LHFPL6: variants seen among roughly 807,000 people sequenced by gnomAD.
LHFPL6 encodes the protein LHFPL tetraspan subfamily member 6, also known as LHFPL tetraspan subfamily member 6 protein.
In LHFPL6, 9 loss-of-function variants were observed where a neutral mutation model predicts 20.6. The observed-to-expected ratio is 0.44, with a 90% CI of 0.26 to 0.76. The LOEUF (loss-of-function observed/expected upper bound fraction) is 0.76. LHFPL6 is among the 30% of genes least tolerant of loss of function. LHFPL6 has a pLI of 0.20. For missense variants in LHFPL6, 218 were observed against 253.5 expected (o/e 0.86, Z 0.95); for synonymous variants, 105 against 98.7 (o/e 1.06, Z -0.38).
chr13:39,562,808 G>C (rs960351009), intron 2 of LHFPL6, among the ~76,000 whole-genome samples: 1 of 151,568 alleles, frequency 6.6e-6, no homozygotes, highest in African/African-American at 2.4e-5. Context: ...AGTAAGGTAA[G>C]ACACAGAAAA....
At chr13:39,347,557 C>T (rs1470744819) in intron 3 of LHFPL6, among the ~76,000 whole-genome samples, 1 of 152,154 alleles carries the variant, frequency 6.6e-6, no homozygotes, top group Non-Finnish European at 1.5e-5. Context: ...GTAACAGATT[C>T]TGAAAGATCA....
chr13:39,352,990 ATT>A (rs1192075960), intron 3 of LHFPL6, among the ~76,000 whole-genome samples: 1 of 84,272 alleles, frequency 1.2e-5, no homozygotes, highest in Non-Finnish European at 2.3e-5. Context: ...TATATATATA[ATT>A]TTTTTTTTTT....
rs555324411 is a variant in LHFPL6, at chr13:39,384,616, A to T, written c.386-6090T>A. On this transcript the variant is annotated intron_variant, in intron 2 of 3. Coordinates refer to ENST00000379589, the MANE Select transcript of LHFPL6 (RefSeq NM_005780.3). Reference sequence around the variant, plus strand: ...GGTATTACACTGTATGCAGAAATAGAGCTCAGAAAATTTTCTGGAATTTGA... The same window carrying T: ...GGTATTACACTGTATGCAGAAATAGTGCTCAGAAAATTTTCTGGAATTTGA... 2.8e-4 allele frequency among the ~76,000 whole-genome samples: 42 copies of T among 152,324 alleles called. 1 individual carries two copies. Among genetic ancestry groups the T allele is most frequent in the Admixed American group, 1.5e-3 (23 of 15,296 alleles).
At chr13:39,599,207 G>C (rs577029980) in intron 2 of LHFPL6, among the ~76,000 whole-genome samples, 1 of 152,048 alleles carries the variant, frequency 6.6e-6, no homozygotes, top group African/African-American at 2.4e-5. Flanking sequence ...CTAAAATGAA[G>C]GAAAAATGGA....
intron 2 of LHFPL6, among the ~76,000 whole-genome samples, chr13:39,549,342 T>C (rs144537330): frequency 6.6e-6 from 1 of 152,238 alleles, no homozygotes; most frequent in African/African-American, 2.4e-5. Flanking sequence ...TTCTAGCATA[T>C]ACAGAAAATA....
chr13:39,350,334 T>C (rs1869526901), intron 3 of LHFPL6, among the ~76,000 whole-genome samples: 1 of 152,226 alleles, frequency 6.6e-6, no homozygotes, highest in African/African-American at 2.4e-5. Context: ...CTTGTCACTT[T>C]GAACTTCTCC....
At chr13:39,367,216 G>A (rs968113270) in intron 3 of LHFPL6, among the ~76,000 whole-genome samples, 3 of 152,192 alleles carry the variant, frequency 2.0e-5, no homozygotes, top group Non-Finnish European at 4.4e-5. Flanking sequence ...ACTAGAGTGA[G>A]GCAAAACAGA....
At chr13:39,528,692 C>T (rs1348222929) in intron 2 of LHFPL6, among the ~76,000 whole-genome samples, 8 of 152,160 alleles carry the variant, frequency 5.3e-5, no homozygotes, top group Non-Finnish European at 1.5e-5. Context: ...TTATGAGTTG[C>T]TTCCCGCACA....
chr13:39,589,559 AT>A (rs1872544881), intron 2 of LHFPL6, among the ~76,000 whole-genome samples: 1 of 152,136 alleles, frequency 6.6e-6, no homozygotes, highest in Non-Finnish European at 1.5e-5. Context: ...TTTTTTTATT[AT>A]GATATAGCTA....
chr13:39,418,084 C>T (rs1871389274), intron 2 of LHFPL6, among the ~76,000 whole-genome samples: 1 of 152,146 alleles, frequency 6.6e-6, no homozygotes, highest in Admixed American at 6.5e-5. Flanking sequence ...CACATCTACT[C>T]TTCCCACTCC....
chr13:39,431,469 C>T (rs972936179), intron 2 of LHFPL6, among the ~76,000 whole-genome samples: 7 of 152,224 alleles, frequency 4.6e-5, no homozygotes, highest in African/African-American at 7.2e-5. Context: ...CAAACTCATA[C>T]TTCCAGCACA....
intron 2 of LHFPL6, among the ~76,000 whole-genome samples, chr13:39,584,929 G>A (rs562431736): frequency 7.2e-5 from 11 of 152,276 alleles, no homozygotes; most frequent in African/African-American, 2.2e-4. Flanking sequence ...GTTATGGGGA[G>A]CCAAATCTTG....
intron 2 of LHFPL6, among the ~76,000 whole-genome samples, chr13:39,409,082 C>T (rs369593157): frequency 2.0e-5 from 3 of 152,138 alleles, no homozygotes; most frequent in Admixed American, 6.5e-5. Flanking sequence ...TAAATCTATG[C>T]GCCAAATGCC....
chr13:39,562,603 TATACATATATACACATATATAC>T (rs1871563140), intron 2 of LHFPL6, among the ~76,000 whole-genome samples: 1 of 58,138 alleles, frequency 1.7e-5, no homozygotes, highest in Non-Finnish European at 4.6e-5. Flanking sequence ...TATATACACA[TATACATATATACACATATATAC>T]ACACATATAT....
rs550475603 is a variant in LHFPL6 at position 39,464,965 on chromosome 13, T to A, written c.386-86439A>T. On this transcript the variant is annotated intron_variant, in intron 2 of 3. Transcript: ENST00000379589. The stretch of plus-strand genomic sequence containing the variant: ...TATATCTGGGAGTACTGTCTTCTAA[T>A]AGGGGCACTTATTAGCCAAAGAAGA... Among the ~76,000 whole-genome samples, 14 of 152,294 alleles carry A rather than the reference T, an allele frequency of 9.2e-5. No individual in the cohort carries two copies. The South Asian group carries it at 2.7e-3, about 29-fold the overall frequency.
At chr13:39,419,610 T>A (rs886511800) in intron 2 of LHFPL6, among the ~76,000 whole-genome samples, 4 of 152,228 alleles carry the variant, frequency 2.6e-5, no homozygotes, top group African/African-American at 9.6e-5. Context: ...AGCAAAGTAG[T>A]TTAAGTTCAT....
intron 2 of LHFPL6, among the ~76,000 whole-genome samples, chr13:39,434,828 G>A (rs190174595): frequency 1.4e-3 from 216 of 151,882 alleles, no homozygotes; most frequent in Non-Finnish European, 2.6e-3. Context: ...AGGCCGAGGC[G>A]GGTGGATCAT....
chr13:39,374,048 C>A (rs1870224499), intron 3 of LHFPL6, among the ~76,000 whole-genome samples: 3 of 152,102 alleles, frequency 2.0e-5, no homozygotes, highest in African/African-American at 7.2e-5. Context: ...GAAAATAAAT[C>A]ATTCTACCAA....
In LHFPL6 at chr13:39,351,414, T is replaced by C. The variant is rs79563683; in HGVS notation, c.485-7360A>G. On this transcript the variant is annotated intron_variant, in intron 3 of 3. Coordinates refer to ENST00000379589, the MANE Select transcript of LHFPL6 (RefSeq NM_005780.3). ...GCAAAGCTTGAACTCGGAACTTGGG[T>C]CAAACTGATTCCAGAGTTTTTTCCT... Among the ~76,000 whole-genome samples, 14 of 152,312 alleles carry C rather than the reference T, an allele frequency of 9.2e-5. No individual in the cohort carries two copies. The East Asian group carries it at 2.7e-3, about 29-fold the overall frequency.
Sources: allele counts gnomAD v4.1 joint callset (sites outside exome capture counted in the v4.1 genomes callset), GRCh38; gene constraint gnomAD v4.1.1; transcripts MANE v1.5; gene names NCBI Gene and HGNC (gene_info 2026-07-23, HGNC 2026-07-21).